EIF4B: variants seen among roughly 807,000 people sequenced by gnomAD.
The protein encoded by EIF4B is eukaryotic translation initiation factor 4B.
In EIF4B, 8 loss-of-function variants were observed where a neutral mutation model predicts 79.3. The ratio of observed to expected loss-of-function variants is 0.10; its 90% CI spans 0.06 to 0.18. The LOEUF (loss-of-function observed/expected upper bound fraction) is 0.18. Among genes scored for constraint, EIF4B ranks in the 10% least tolerant of loss-of-function variants. The pLI, the probability that EIF4B is intolerant of heterozygous loss-of-function variation, is 1.00. For missense variants in EIF4B, 515 were observed against 792.4 expected, an observed-to-expected ratio of 0.65 and a Z score of 4.20; for synonymous variants, 238 against 274.7, an observed-to-expected ratio of 0.87 and a Z score of 1.32.
intron 10 of EIF4B, among the ~76,000 whole-genome samples, chr12:53,037,099 A>C (rs939864401): frequency 2.0e-5 from 3 of 152,206 alleles, no homozygotes; most frequent in Admixed American, 2.0e-4. Flanking sequence ...TCCTCTTCAC[A>C]TATGTATATT....
chr12:53,028,332 A>G, intron 8 of EIF4B, 144 bp downstream of exon 8: 2 of 1,178,576 alleles, frequency 1.7e-6, no homozygotes, highest in Middle Eastern at 4.0e-4. Context: ...TAGAAAGAGC[A>G]TTGGCTGGCC....
intron 1 of EIF4B, among the ~76,000 whole-genome samples, chr12:53,014,158 G>A (rs925931304): frequency 3.3e-5 from 5 of 151,842 alleles, no homozygotes; most frequent in African/African-American, 1.2e-4. Context: ...CAGGCCGGGC[G>A]CGTTGGCTCA....
At chr12:53,038,519 A>G in intron 12 of EIF4B, 108 bp downstream of exon 12, 1 of 1,161,234 alleles carries the variant, frequency 8.6e-7, no homozygotes. Context: ...TACCGTGTTA[A>G]GAGTTCTTGG....
At chr12:53,015,959 C>T (rs891979053) in intron 1 of EIF4B, among the ~76,000 whole-genome samples, 4 of 131,628 alleles carry the variant, frequency 3.0e-5, no homozygotes, top group African/African-American at 1.1e-4. Context: ...GCCTGGACAA[C>T]AAGAGCAAGA....
In EIF4B at chr12:53,037,499, A is replaced by C; in HGVS notation, c.1397A>C (p.Lys466Thr). 1 of 1,613,910 alleles carries C rather than the reference A, an allele frequency of 6.2e-7. No homozygotes were observed. The highest frequency in any genetic ancestry group is 8.5e-7 in the Non-Finnish European group (1 of 1,179,830). The change falls in exon 11 of 15, where the codon AAA (lysine) becomes ACA (threonine). Residue 466 changes from lysine to threonine, a missense_variant. This residue lies in a region of EIF4B where 146 missense variants were observed against 228.0 expected (regional missense o/e 0.64). Coordinates refer to ENST00000262056, the MANE Select transcript of EIF4B (RefSeq NM_001417.7). ...DCHSPTSKPP[K>T]PDQPLKVMPA... The stretch of plus-strand genomic sequence containing the variant: ...CACTCTCCAACTTCTAAACCTCCCA[A>C]ACCTGATCAGCCCCTAAAGGTAATG...
rs375292287 is a variant in EIF4B, at chr12:53,022,485, A to G, written c.533-8A>G. 2.7e-5 allele frequency: 43 copies of G among 1,612,436 alleles called. No homozygotes were observed. Among genetic ancestry groups the G allele is most frequent in the African/African-American group, 1.6e-4 (12 of 74,952 alleles). ...TAACTTACGGTTTTTGTTTTAATGTATCTGTAGACAGGGATGATCGTTCTT... is the reference window on the plus strand; with the variant it reads ...TAACTTACGGTTTTTGTTTTAATGTGTCTGTAGACAGGGATGATCGTTCTT... On this transcript the variant is annotated splice_region_variant and splice_polypyrimidine_tract_variant and intron_variant, in intron 5 of 14. Transcript: ENST00000262056.
chr12:53,022,331 G>T, intron 5 of EIF4B, 162 bp from the exon 6 acceptor site: 1 of 1,005,532 alleles, frequency 9.9e-7, no homozygotes, highest in East Asian at 2.5e-5. Context: ...AGAGCCACCT[G>T]GGGTTGAATT....
chr12:53,021,225 T>A (rs1461235508), intron 4 of EIF4B, among the ~76,000 whole-genome samples: 1 of 152,208 alleles, frequency 6.6e-6, no homozygotes, highest in Non-Finnish European at 1.5e-5. Context: ...TGAAAGAACC[T>A]AAGATTGTAG....
At chr12:53,019,814 T>C in intron 3 of EIF4B, 96 bp from the exon 4 acceptor site, 1 of 1,158,782 alleles carries the variant, frequency 8.6e-7, no homozygotes, top group South Asian at 1.4e-5. Flanking sequence ...TTCAGAAAAA[T>C]TCATGCACAT....
At chr12:53,036,296 T>G (rs772076372) in intron 10 of EIF4B, among the ~76,000 whole-genome samples, 14 of 152,118 alleles carry the variant, frequency 9.2e-5, no homozygotes, top group Non-Finnish European at 1.5e-4. Context: ...GTATTTTTAG[T>G]AAAGACGGGG....
In EIF4B at chr12:53,033,334, C is replaced by CTT. The variant is rs11455422; in HGVS notation, c.980-461_980-460dup. Among the ~76,000 whole-genome samples the CTT allele has an allele frequency of 1.8e-3, 263 of 142,274 alleles. 2 individuals carry two copies. The highest frequency in any genetic ancestry group is 8.6e-3 in the East Asian group (41 of 4,760). The allele number at this position is 142,274 out of a possible 152,430, so 93.3% of individuals were successfully genotyped here. A position where few individuals can be genotyped will look rare whatever the true frequency, so the allele number is the denominator to read the frequency against. ...ACGCCCAGCCTGAGCTACCTATTTT[C>CTT]TTTTTTTTTTTTCTTTTTTTTATTT... On this transcript the variant is annotated intron_variant, in intron 8 of 14. Coordinates refer to ENST00000262056, the MANE Select transcript of EIF4B (RefSeq NM_001417.7).
Position 53,009,662 on chromosome 12 carries a change from A to T in EIF4B, c.13+3166A>T, listed in dbSNP as rs567445729. On this transcript the variant is annotated intron_variant, in intron 1 of 14. Coordinates refer to ENST00000262056, the MANE Select transcript of EIF4B (RefSeq NM_001417.7). ...CAGTGGTTGTTTTCATACACTGCTG[A>T]CTCTCACAGTGAAATGGTTTTAAGG... is the stretch of plus-strand genomic sequence containing the variant. Among the ~76,000 whole-genome samples, 3 of 152,204 alleles carry T rather than the reference A, an allele frequency of 2.0e-5. No homozygotes were observed. In the East Asian group the frequency reaches 5.8e-4, roughly 29 times the overall value.
intron 2 of EIF4B, 82 bp from the exon 3 acceptor site, chr12:53,018,716 G>T (rs1015886452): frequency 6.7e-7 from 1 of 1,503,638 alleles, no homozygotes; most frequent in Non-Finnish European, 9.2e-7. Context: ...TTAATATTTG[G>T]CAATTAACAT....
At chr12:53,036,601 A>T (rs944684423) in intron 10 of EIF4B, among the ~76,000 whole-genome samples, 1 of 151,550 alleles carries the variant, frequency 6.6e-6, no homozygotes, top group Non-Finnish European at 1.5e-5. Flanking sequence ...TTTTTTAGAG[A>T]TGGGGTCTCA....
chr12:53,034,118 T>C, intron 9 of EIF4B, 84 bp downstream of exon 9: 2 of 1,382,956 alleles, frequency 1.4e-6, no homozygotes, highest in South Asian at 1.4e-5. Flanking sequence ...TTTGGGAAAT[T>C]TGTGTCGTTA....
intron 6 of EIF4B, among the ~76,000 whole-genome samples, chr12:53,027,080 G>A (rs1026174875): frequency 5.5e-5 from 8 of 146,356 alleles, no homozygotes; most frequent in East Asian, 2.1e-4. Context: ...GCTTAAGCCC[G>A]GGAGTCCAAG....
intron 6 of EIF4B, chr12:53,025,308 T>TG: frequency 2.2e-6 from 1 of 450,400 alleles, no homozygotes; most frequent in South Asian, 1.6e-5. Context: ...TTTTCTCACC[T>TG]GAAACCTTGA....
intron 4 of EIF4B, 24 bp downstream of exon 4, chr12:53,020,050 A>G (rs773816751): frequency 3.8e-6 from 6 of 1,568,436 alleles, no homozygotes; most frequent in Admixed American, 2.0e-5. Context: ...GAGTGGGGAT[A>G]TGAGGGGTGT....
In EIF4B at chr12:53,041,509, G is replaced by GTGT. The variant is rs1555155186; in HGVS notation, c.*1287_*1288insGTT. Reference sequence around the variant, plus strand: ...CAGACCAATGTGTTGTTTTGTTGTTGTTTTTTTAAGCTTCCCTTGAGAGAA... The same window carrying GTGT: ...CAGACCAATGTGTTGTTTTGTTGTTGTGTTTTTTTTAAGCTTCCCTTGAGAGAA... On this transcript the variant is annotated 3_prime_UTR_variant, in exon 15 of 15. Coordinates refer to ENST00000262056, the MANE Select transcript of EIF4B (RefSeq NM_001417.7). 6.6e-6 allele frequency: 1 copy of GTGT among 151,464 alleles called. No individual in the cohort carries two copies. Among genetic ancestry groups the GTGT allele is most frequent in the Non-Finnish European group, 1.5e-5 (1 of 67,886 alleles). The allele number at this position is 151,464 out of a possible 1,614,324, so 9.4% of individuals were successfully genotyped here.
Sources: allele counts gnomAD v4.1 joint callset (sites outside exome capture counted in the v4.1 genomes callset), GRCh38; gene constraint gnomAD v4.1.1; regional missense constraint gnomAD v4.1.1; transcripts MANE v1.5; gene names NCBI Gene and HGNC (gene_info 2026-07-23, HGNC 2026-07-21).